The following SLC22A13 variants were observed in gnomAD, a reference collection of about 807,000 sequenced individuals.
SLC22A13 encodes the protein organic anion transporter 10.
Under a neutral mutation model 49.1 loss-of-function variants are expected in SLC22A13, and 42 were observed. That is an observed-to-expected ratio of 0.85 (90% CI 0.67 to 1.11). SLC22A13 has a LOEUF of 1.11. Among genes scored for constraint, SLC22A13 ranks in the 50% least tolerant of loss-of-function variants. The probability of loss-of-function intolerance (pLI) is 0.00; values close to 1 mark genes in which losing one functional copy is unlikely to be tolerated. For missense variants in SLC22A13, 694 were observed against 712.8 expected (o/e 0.97, Z 0.30); for synonymous variants, 282 against 293.1 (o/e 0.96, Z 0.39).
rs1226284352 is a variant in SLC22A13, at chr3:38,277,010, T to C, written c.1445T>C (p.Met482Thr). Residue 482 changes from methionine to threonine, a missense_variant, in exon 9 of 10, where the codon ATG becomes ACG. Met to Thr is a moderately conservative substitution (Grantham distance 81). Transcript: ENST00000311856. ...GGAGAGTACCACGCTGCCCTCCCCATGCTCATCTACGGCAGCCTCCCCATC... is the reference window on the plus strand; with the variant it reads ...GGAGAGTACCACGCTGCCCTCCCCACGCTCATCTACGGCAGCCTCCCCATC... Reference protein sequence around the residue: ...LLGEYHAALPMLIYGSLPIVA... With the variant: ...LLGEYHAALPTLIYGSLPIVA... 2 of 1,610,816 alleles carry C rather than the reference T, an allele frequency of 1.2e-6. No homozygotes were observed. The highest frequency in any genetic ancestry group is 1.7e-6 in the Non-Finnish European group (2 of 1,178,622).
chr3:38,272,066 G>A (rs1392369831), intron 1 of SLC22A13, among the ~76,000 whole-genome samples: 1 of 152,182 alleles, frequency 6.6e-6, no homozygotes, highest in Non-Finnish European at 1.5e-5. Flanking sequence ...ATATCTCGGC[G>A]CCTCTCCAAG....
Position 38,275,945 on chromosome 3 carries a change from C to CT in SLC22A13, c.1087dup (p.Tyr363LeufsTer11). ...AAGTGGGGGACTTCGGCCTGGACGT[C>CT]TATCTGACGCAGCTCATCTTTGGAG... On this transcript the variant is annotated frameshift_variant, in exon 7 of 10. Transcript: ENST00000311856. LOFTEE classifies it high-confidence loss of function. 6.2e-7 allele frequency: 1 copy of CT among 1,614,220 alleles called. No individual in the cohort carries two copies. Among genetic ancestry groups the CT allele is most frequent in the South Asian group, 1.1e-5 (1 of 91,084 alleles).
chr3:38,268,557 C>T (rs1211884758), intron 1 of SLC22A13, among the ~76,000 whole-genome samples: 1 of 152,158 alleles, frequency 6.6e-6, no homozygotes, highest in Non-Finnish European at 1.5e-5. Context: ...ATTATGAACT[C>T]ACTCCATTTA....
rs151071248 is a variant in SLC22A13, at chr3:38,277,126, C to T, written c.1561C>T (p.Arg521Trp). The T allele has an allele frequency of 1.3e-5, 20 of 1,554,488 alleles. No homozygotes were observed. The highest frequency in any genetic ancestry group is 2.7e-5 in the African/African-American group (2 of 73,290). Residue 521 changes from arginine (R) to tryptophan (W), a missense_variant and splice_region_variant, in exon 9 of 10, where the codon CGG (arginine) becomes TGG (tryptophan). Physicochemically the swap from Arg to Trp is moderately radical, Grantham distance 101. Transcript: ENST00000311856. ...GGACCTGGAGCTGGGGCCTCACCCA[C>T]GGTGAGCTGCTTGCTTGCACTGAAA... ...LQDLELGPHP[R>W]SPKSVPSEKE...
intron 1 of SLC22A13, among the ~76,000 whole-genome samples, chr3:38,273,239 A>T (rs1318440051): frequency 1.3e-5 from 2 of 152,182 alleles, no homozygotes; most frequent in Non-Finnish European, 2.9e-5. Flanking sequence ...CACATACAAT[A>T]GACGTGTGTA....
In SLC22A13 at chr3:38,275,433, G is replaced by A. The variant is rs771410689; in HGVS notation, c.870G>A (p.Leu290=). The A allele has an allele frequency of 1.2e-6, 2 of 1,614,212 alleles. No individual in the cohort carries two copies. The highest frequency in any genetic ancestry group is 1.7e-5 in the Admixed American group (1 of 60,032). ...TRGRMDEAIQ[L]IQKAASVNRR... Reference sequence around the variant, plus strand: ...GGAGGATGGACGAGGCGATACAACTGATCCAGAAGGCGGCCTCGGTCAATA... The same window carrying A: ...GGAGGATGGACGAGGCGATACAACTAATCCAGAAGGCGGCCTCGGTCAATA... Residue 290 remains leucine (L), a synonymous_variant, in exon 5 of 10, where the codon CTG becomes CTA. Transcript: ENST00000311856.
At chr3:38,276,771 C>A in intron 8 of SLC22A13, 141 bp from the exon 9 acceptor site, 1 of 713,196 alleles carries the variant, frequency 1.4e-6, no homozygotes, top group Non-Finnish European at 2.3e-6. Flanking sequence ...GAGCAGAGAG[C>A]AGGAACGCTG....
At chr3:38,269,698 C>G (rs1220372763) in intron 1 of SLC22A13, among the ~76,000 whole-genome samples, 1 of 152,048 alleles carries the variant, frequency 6.6e-6, no homozygotes, top group African/African-American at 2.4e-5. Context: ...GCTTGGTTAA[C>G]AGCATTCTTT....
chr3:38,266,638 TATTTTCCTAACCCTCTA>T (rs1283111211), intron 1 of SLC22A13, among the ~76,000 whole-genome samples: 1 of 152,178 alleles, frequency 6.6e-6, no homozygotes, highest in African/African-American at 2.4e-5. Flanking sequence ...CCTATGTTCC[TATTTTCCTAACCCTCTA>T]ATGCCATCCC....
Position 38,274,597 on chromosome 3 carries a change from T to C in SLC22A13, c.483-7T>C. On this transcript the variant is annotated splice_region_variant and splice_polypyrimidine_tract_variant and intron_variant, in intron 2 of 9. Coordinates refer to ENST00000311856, the MANE Select transcript of SLC22A13 (RefSeq NM_004256.4). The stretch of plus-strand genomic sequence containing the variant: ...ACCCTCCCCACAGACCTGCCCTGTT[T>C]CCTCAGGATTGGCCGCAAGGCCACA... 6.2e-7 allele frequency: 1 copy of C among 1,612,878 alleles called. No homozygotes were observed. Among genetic ancestry groups the C allele is most frequent in the Non-Finnish European group, 8.5e-7 (1 of 1,179,506 alleles).
chr3:38,275,690 G>T lies in SLC22A13; in HGVS notation c.1022+18G>T. Reference sequence around the variant, plus strand: ...TGTGTCTGGTGAGTGCCCAGAACCCGAGGACAGAACCACAGGGCTGCAGCC... The same window carrying T: ...TGTGTCTGGTGAGTGCCCAGAACCCTAGGACAGAACCACAGGGCTGCAGCC... On this transcript the variant is annotated intron_variant, in intron 6 of 9. Coordinates refer to ENST00000311856, the MANE Select transcript of SLC22A13 (RefSeq NM_004256.4). 2 of 1,610,934 alleles carry T rather than the reference G, an allele frequency of 1.2e-6. No homozygotes were observed. The highest frequency in any genetic ancestry group is 2.7e-5 in the African/African-American group (2 of 75,006).
rs1703556042 is a variant in SLC22A13 at position 38,274,610 on chromosome 3, C to A, written c.489C>A (p.Gly163=). 1 of 1,613,250 alleles carries A rather than the reference C, an allele frequency of 6.2e-7. No homozygotes were observed. ...LMFGPLCDRI[G]RKATILAQLL... ...ACCTGCCCTGTTTCCTCAGGATTGG[C>A]CGCAAGGCCACAATCCTGGCGCAGC... The change falls in exon 3 of 10, where the codon GGC becomes GGA. Residue 163 remains glycine, a synonymous_variant. Coordinates refer to ENST00000311856, the MANE Select transcript of SLC22A13 (RefSeq NM_004256.4).
chr3:38,276,128 C>A, intron 7 of SLC22A13, 32 bp downstream of exon 7: 3 of 1,579,586 alleles, frequency 1.9e-6, no homozygotes, highest in Non-Finnish European at 2.6e-6. Flanking sequence ...CACCCGCATG[C>A]CCCCTCACCC....
In SLC22A13 at chr3:38,275,444, C is replaced by A; in HGVS notation, c.881C>A (p.Ala294Glu). 6.2e-7 allele frequency: 1 copy of A among 1,614,218 alleles called. No individual in the cohort carries two copies. The highest frequency in any genetic ancestry group is 1.1e-5 in the South Asian group (1 of 91,084). Residue 294 changes from alanine (A) to glutamate (E), a missense_variant, in exon 5 of 10, where the codon GCG becomes GAG. Ala to Glu is a moderately radical substitution (Grantham distance 107, BLOSUM62 -1). Transcript: ENST00000311856. ...GAGGCGATACAACTGATCCAGAAGGCGGCCTCGGTCAATAGGCGGAAACTC... is the reference window on the plus strand; with the variant it reads ...GAGGCGATACAACTGATCCAGAAGGAGGCCTCGGTCAATAGGCGGAAACTC... Reference protein sequence around the residue: ...MDEAIQLIQKAASVNRRKLSP... With the variant: ...MDEAIQLIQKEASVNRRKLSP...
rs536719467 is a variant in SLC22A13, at chr3:38,269,792, T to A, written c.378+3554T>A. On this transcript the variant is annotated intron_variant, in intron 1 of 9. Coordinates refer to ENST00000311856, the MANE Select transcript of SLC22A13 (RefSeq NM_004256.4). ...CAGGTTAGTTACATTTGTATACATGTGCCATACTGGTGTGCTGCACCCATT... is the reference window on the plus strand; with the variant it reads ...CAGGTTAGTTACATTTGTATACATGAGCCATACTGGTGTGCTGCACCCATT... Among the ~76,000 whole-genome samples, 3 of 152,110 alleles carry A rather than the reference T, an allele frequency of 2.0e-5. No individual in the cohort carries two copies. The South Asian group carries it at 6.2e-4, about 32-fold the overall frequency.
chr3:38,274,787 C>A (rs1201020562), intron 3 of SLC22A13, 29 bp downstream of exon 3: 1 of 1,600,020 alleles, frequency 6.2e-7, no homozygotes, highest in Non-Finnish European at 8.5e-7. Context: ...GAGCCTTCAG[C>A]CATAGGGTGA....
In SLC22A13 at chr3:38,277,005, C is replaced by A; in HGVS notation, c.1440C>A (p.Leu480=). 6.2e-7 allele frequency: 1 copy of A among 1,611,188 alleles called. No individual in the cohort carries two copies. ...VILLGEYHAA[L]PMLIYGSLPI... The stretch of plus-strand genomic sequence containing the variant: ...TGCTGGGAGAGTACCACGCTGCCCT[C>A]CCCATGCTCATCTACGGCAGCCTCC... The change falls in exon 9 of 10, where the codon CTC becomes CTA. Residue 480 remains leucine, a synonymous_variant. Transcript: ENST00000311856.
In SLC22A13 at chr3:38,277,632, C is replaced by G; in HGVS notation, c.*167C>G. 1.8e-6 allele frequency: 1 copy of G among 551,302 alleles called. No homozygotes were observed. Among genetic ancestry groups the G allele is most frequent in the African/African-American group, 1.9e-5 (1 of 52,660 alleles). 34.2% of individuals were successfully genotyped at this position (551,302 alleles called of 1,614,324 possible). A position where few individuals can be genotyped will look rare whatever the true frequency, so the allele number is the denominator to read the frequency against. ...ACCTCCTGCCGAGTCCAATCCCAGA[C>G]TGGGAACCACCATCTGAGACAGGAC... is the stretch of plus-strand genomic sequence containing the variant. On this transcript the variant is annotated 3_prime_UTR_variant, in exon 10 of 10. Coordinates refer to ENST00000311856, the MANE Select transcript of SLC22A13 (RefSeq NM_004256.4).
rs1703577394 is a variant in SLC22A13, at chr3:38,275,929, A to G, written c.1070A>G (p.Asp357Gly). The G allele has an allele frequency of 2.5e-6, 4 of 1,614,028 alleles. No homozygotes were observed. Among genetic ancestry groups the G allele is most frequent in the Non-Finnish European group, 3.4e-6 (4 of 1,180,008 alleles). ...TACGGCCTGAGCCTCCAAGTGGGGG[A>G]CTTCGGCCTGGACGTCTATCTGACG... ...GYYGLSLQVGDFGLDVYLTQL... is the reference protein window; with the variant it reads ...GYYGLSLQVGGFGLDVYLTQL... The change falls in exon 7 of 10, where the codon GAC becomes GGC. Residue 357 changes from aspartate to glycine, a missense_variant. Coordinates refer to ENST00000311856, the MANE Select transcript of SLC22A13 (RefSeq NM_004256.4).
Sources: allele counts gnomAD v4.1 joint callset (sites outside exome capture counted in the v4.1 genomes callset), GRCh38; gene constraint gnomAD v4.1.1; transcripts MANE v1.5; gene names NCBI Gene and HGNC (gene_info 2026-07-23, HGNC 2026-07-21).